FAM50A: variants seen among roughly 807,000 people sequenced by gnomAD.
FAM50A encodes the protein family with sequence similarity 50 member A.
In FAM50A, 6 loss-of-function variants were observed where a neutral mutation model predicts 35.5. The observed-to-expected ratio is 0.17, with a 90% CI of 0.09 to 0.33. The LOEUF (loss-of-function observed/expected upper bound fraction) is 0.33. FAM50A is among the 10% of genes least tolerant of loss of function. FAM50A has a pLI of 1.00. For synonymous variants in FAM50A, 120 were observed against 110.9 expected (o/e 1.08, Z -0.52); for missense variants, 145 against 295.5 (o/e 0.49, Z 3.73).
In FAM50A at chrX:154,445,459, T is replaced by C. The variant is rs782238509; in HGVS notation, c.112-174T>C. On this transcript the variant is annotated intron_variant, in intron 1 of 12. Transcript: ENST00000393600. ...CTGAAGAGCCAGAGCAGCTCAGGGA[T>C]GGAAACAGCCCCATTTGGCACTCTT... 6.9e-5 allele frequency: 32 copies of C among 466,103 alleles called. 1 individual carries two copies. In the South Asian group the frequency reaches 9.9e-4, roughly 14 times the overall value. The allele number at this position is 466,103 out of a possible 1,213,427, so 38.4% of individuals were successfully genotyped here.
intron 9 of FAM50A, 65 bp from the exon 10 acceptor site, chrX:154,449,818 C>CG: frequency 8.6e-7 from 1 of 1,159,974 alleles, no homozygotes; most frequent in Non-Finnish European, 1.2e-6. Context: ...TGTGCGCAGG[C>CG]GGGGGGTGTG....
chrX:154,446,001 C>G, intron 3 of FAM50A, 90 bp downstream of exon 3: 1 of 661,758 alleles, frequency 1.5e-6, no homozygotes, highest in Non-Finnish European at 2.4e-6. Flanking sequence ...TGGGGGGGAC[C>G]CTGTCTCCAG....
At chrX:154,449,791 C>T (rs781794188) in intron 9 of FAM50A, 56 bp downstream of exon 9, 2 of 1,188,919 alleles carry the variant, frequency 1.7e-6, no homozygotes, top group South Asian at 1.8e-5. Context: ...GGCTTTGGCT[C>T]AGGCTGGTGG....
At chrX:154,444,572 T>G in intron 1 of FAM50A, 1 of 200,447 alleles carries the variant, frequency 5.0e-6, no homozygotes, top group Non-Finnish European at 9.2e-6. Context: ...CTGAGGCCAC[T>G]AGCTGATGAC....
chrX:154,448,831 G>A (rs2068792721), intron 6 of FAM50A, 62 bp from the exon 7 acceptor site: 1 of 1,191,376 alleles, frequency 8.4e-7, no homozygotes, highest in Admixed American at 2.2e-5. Flanking sequence ...CCTGGGTGGT[G>A]CGCTGAGCCC....
At chrX:154,448,582 C>T in intron 5 of FAM50A, 22 bp downstream of exon 5, 4 of 1,196,938 alleles carry the variant, frequency 3.3e-6, no homozygotes, top group African/African-American at 3.5e-5. Flanking sequence ...CTGGCCCTGA[C>T]CCCGGCCTCG....
intron 3 of FAM50A, 78 bp downstream of exon 3, chrX:154,445,989 C>T: frequency 1.3e-6 from 1 of 753,370 alleles, no homozygotes; most frequent in Non-Finnish European, 2.0e-6. Context: ...CTTTTTGCAC[C>T]CTGGGGGGGA....
At chrX:154,449,572 G>C (rs2068796396) in intron 8 of FAM50A, 109 bp from the exon 9 acceptor site, 1 of 663,340 alleles carries the variant, frequency 1.5e-6, no homozygotes, top group Non-Finnish European at 2.3e-6. Flanking sequence ...ACAGCCAACT[G>C]GCCGCTGCTT....
chrX:154,449,747 C>T lies in FAM50A; in HGVS notation c.780+12C>T, dbSNP rs782664365. On this transcript the variant is annotated intron_variant, in intron 9 of 12. Coordinates refer to ENST00000393600, the MANE Select transcript of FAM50A (RefSeq NM_004699.4). The stretch of plus-strand genomic sequence containing the variant: ...TGATCATCCCTCACGTGAGTCCCTT[C>T]AGCCCCAGTACCCGCAGTGGGTGCA... The T allele has an allele frequency of 5.8e-6, 7 of 1,202,879 alleles. No homozygotes were observed. The highest frequency in any genetic ancestry group is 6.8e-6 in the Non-Finnish European group (6 of 888,646).
intron 4 of FAM50A, among the ~76,000 whole-genome samples, chrX:154,448,131 T>C (rs1232925197): frequency 2.9e-5 from 3 of 103,031 alleles, no homozygotes; most frequent in Non-Finnish European, 5.9e-5. Context: ...TGCAGTGGTT[T>C]GATCACGGCT....
intron 4 of FAM50A, among the ~76,000 whole-genome samples, chrX:154,447,283 G>A (rs1208836230): frequency 8.9e-6 from 1 of 111,895 alleles, no homozygotes; most frequent in African/African-American, 3.3e-5. Context: ...GTTGTGTCAC[G>A]GGCCCCTGGA....
rs782365496 is a variant in FAM50A, at chrX:154,450,107, G to A, written c.900+8G>A. On this transcript the variant is annotated splice_region_variant and intron_variant, in intron 11 of 12. Transcript: ENST00000393600. The stretch of plus-strand genomic sequence containing the variant: ...ACTGTGGAGAAGGATGAGGTACAGC[G>A]TAGGGGGCCGTGTGAGGGGGAACGG... The A allele has an allele frequency of 6.5e-5, 78 of 1,205,777 alleles. No homozygotes were observed. Among genetic ancestry groups the A allele is most frequent in the African/African-American group, 1.8e-4 (10 of 56,799 alleles).
chrX:154,450,158 C>T, intron 11 of FAM50A, 51 bp from the exon 12 acceptor site: 1 of 1,201,180 alleles, frequency 8.3e-7, no homozygotes. Flanking sequence ...GGAGGAGAAG[C>T]CAAGGGAAGG....
chrX:154,448,524 C>T lies in FAM50A; in HGVS notation c.483C>T (p.Asp161=), dbSNP rs782616761. ...TKKRKLGKNP[D]VDTSFLPDRD... is the part of the protein sequence containing the mutation. ...AGAGAAAACTGGGGAAGAACCCAGA[C>T]GTTGACACAAGCTTCTTGCCTGATC... Residue 161 remains aspartate, a synonymous_variant, in exon 5 of 13, where the codon GAC becomes GAT. Transcript: ENST00000393600. 39 of 1,210,290 alleles carry T rather than the reference C, an allele frequency of 3.2e-5. No individual in the cohort carries two copies. The highest frequency in any genetic ancestry group is 4.0e-5 in the Non-Finnish European group (36 of 894,575).
At position 154,444,285 on chromosome X, in the gene FAM50A, T is replaced by C; in HGVS notation, c.50T>C (p.Leu17Pro). ...AASEAGRAMH[L>P]MKKREKQREQ... is the part of the protein sequence containing the mutation. ...AGCGAGGCCGGCCGCGCCATGCACC[T>C]GATGAAGAAGCGGGAGAAGCAGCGC... The change falls in exon 1 of 13, where the codon CTG (leucine) becomes CCG (proline). Residue 17 changes from leucine to proline, a missense_variant. Physicochemically the swap from Leu to Pro is moderately conservative, Grantham distance 98. Transcript: ENST00000393600. The C allele has an allele frequency of 8.9e-7, 1 of 1,119,887 alleles. No individual in the cohort carries two copies. Among genetic ancestry groups the C allele is most frequent in the Non-Finnish European group, 1.2e-6 (1 of 848,807 alleles). 92.3% of individuals were successfully genotyped at this position (1,119,887 alleles called of 1,213,427 possible). A position where few individuals can be genotyped will look rare whatever the true frequency, so the allele number is the denominator to read the frequency against.
In FAM50A at chrX:154,444,281, C is replaced by A; in HGVS notation, c.46C>A (p.His16Asn). ...GAASEAGRAM[H>N]LMKKREKQRE... ...CGCGAGCGAGGCCGGCCGCGCCATG[C>A]ACCTGATGAAGAAGCGGGAGAAGCA... The change falls in exon 1 of 13, where the codon CAC becomes AAC. Residue 16 changes from histidine (H) to asparagine (N), a missense_variant. Coordinates refer to ENST00000393600, the MANE Select transcript of FAM50A (RefSeq NM_004699.4). 9.0e-7 allele frequency: 1 copy of A among 1,115,729 alleles called. No individual in the cohort carries two copies. The allele number at this position is 1,115,729 out of a possible 1,213,427, so 91.9% of individuals were successfully genotyped here.
rs1029008039 is a variant in FAM50A at position 154,450,527 on chromosome X, G to T, written c.*95G>T. ...CAGGCACCCGCTCCCCTGCGACCAT[G>T]CCAGGCACGCTGGGAGGAGGACGGC... On this transcript the variant is annotated 3_prime_UTR_variant, in exon 13 of 13. Coordinates refer to ENST00000393600, the MANE Select transcript of FAM50A (RefSeq NM_004699.4). 9.2e-5 allele frequency: 86 copies of T among 933,617 alleles called. No homozygotes were observed. The highest frequency in any genetic ancestry group is 1.2e-4 in the Non-Finnish European group (82 of 661,617). The allele number at this position is 933,617 out of a possible 1,213,427, so 76.9% of individuals were successfully genotyped here. A position where few individuals can be genotyped will look rare whatever the true frequency, so the allele number is the denominator to read the frequency against.
intron 3 of FAM50A, 158 bp from the exon 4 acceptor site, chrX:154,446,257 A>T: frequency 2.0e-6 from 1 of 506,087 alleles, no homozygotes; most frequent in Non-Finnish European, 3.5e-6. Flanking sequence ...ATGAGCTCAA[A>T]GTGATCCAGG....
chrX:154,448,778 C>T (rs781846134), intron 6 of FAM50A, 22 bp downstream of exon 6: 28 of 1,201,553 alleles, frequency 2.3e-5, no homozygotes, highest in East Asian at 1.5e-4. Flanking sequence ...CGGAGTCAGA[C>T]GCGAGGGGCC....
Sources: allele counts gnomAD v4.1 joint callset (sites outside exome capture counted in the v4.1 genomes callset), GRCh38; gene constraint gnomAD v4.1.1; transcripts MANE v1.5; gene names NCBI Gene and HGNC (gene_info 2026-07-23, HGNC 2026-07-21).